The following UBR3 variants were observed in gnomAD, a reference collection of about 807,000 sequenced individuals.
UBR3 encodes the protein E3 ubiquitin-protein ligase UBR3.
UBR3 carries 85 observed loss-of-function variants against 243.2 expected under a neutral mutation model. The ratio of observed to expected loss-of-function variants is 0.35; its 90% confidence interval spans 0.29 to 0.42. UBR3 has a LOEUF of 0.42. Ranked by LOEUF, UBR3 falls within the 10% of genes least tolerant of loss-of-function variation. The pLI is 1.00. For synonymous variants in UBR3, 748 were observed against 799.8 expected (o/e 0.94, Z 1.09); for missense variants, 1,686 against 2,300.8 (o/e 0.73, Z 5.47).
intron 1 of UBR3, among the ~76,000 whole-genome samples, chr2:169,865,786 T>C (rs949642332): frequency 2.0e-5 from 3 of 152,208 alleles, no homozygotes; most frequent in Admixed American, 6.5e-5. Context: ...ACAGGCTTTT[T>C]AATTAAGTTG....
chr2:169,842,400 G>A (rs890469164), intron 1 of UBR3, among the ~76,000 whole-genome samples: 1 of 152,162 alleles, frequency 6.6e-6, no homozygotes, highest in African/African-American at 2.4e-5. Context: ...GATGTGGGTG[G>A]GGCCAGATAA....
Position 169,947,624 on chromosome 2 carries a change from A to T in UBR3, c.2993A>T (p.Asn998Ile), listed in dbSNP as rs1371915488. ...GTGTCAAACATGCGACACTTTATAA[A>T]CTATGTTAGAGTAAGAGTTCCAGAG... ...NLVSNMRHFI[N>I]YVRVRVPETA... Residue 998 changes from asparagine (N) to isoleucine (I), a missense_variant, in exon 22 of 39, where the codon AAC becomes ATC. Transcript: ENST00000272793. 4.5e-6 allele frequency: 7 copies of T among 1,540,786 alleles called. No individual in the cohort carries two copies. The highest frequency in any genetic ancestry group is 6.1e-6 in the Non-Finnish European group (7 of 1,141,784).
chr2:169,855,193 C>A (rs1356124714), intron 1 of UBR3, among the ~76,000 whole-genome samples: 1 of 152,072 alleles, frequency 6.6e-6, no homozygotes, highest in Non-Finnish European at 1.5e-5. Flanking sequence ...ATTAAGAGAT[C>A]CTGCTCTAAA....
At chr2:169,921,865 C>G (rs980258424) in intron 11 of UBR3, among the ~76,000 whole-genome samples, 1 of 152,048 alleles carries the variant, frequency 6.6e-6, no homozygotes, top group Non-Finnish European at 1.5e-5. Context: ...GTAATACATG[C>G]CTGTAGTCCC....
intron 32 of UBR3, among the ~76,000 whole-genome samples, chr2:170,045,424 A>G (rs947169787): frequency 6.6e-6 from 1 of 152,110 alleles, no homozygotes; most frequent in Non-Finnish European, 1.5e-5. Flanking sequence ...GGTTTGGATC[A>G]TGTTGCTGTT....
chr2:169,845,967 A>G (rs1224617261), intron 1 of UBR3, among the ~76,000 whole-genome samples: 1 of 152,196 alleles, frequency 6.6e-6, no homozygotes, highest in Non-Finnish European at 1.5e-5. Context: ...GGTTTCTTTT[A>G]TAGCTCAGAA....
At chr2:169,881,778 AAT>A (rs1226161442) in intron 5 of UBR3, among the ~76,000 whole-genome samples, 34 of 139,608 alleles carry the variant, frequency 2.4e-4, no homozygotes, top group African/African-American at 8.1e-4. Context: ...TATATAATAT[AAT>A]ATATATGTAT....
chr2:169,830,188 C>T (rs1172805203), intron 1 of UBR3, among the ~76,000 whole-genome samples: 3 of 151,972 alleles, frequency 2.0e-5, no homozygotes, highest in African/African-American at 7.3e-5. Context: ...TCTTCATGGG[C>T]ATTTGGCTTT....
At chr2:170,072,510 C>CAT (rs2091721788) in intron 35 of UBR3, among the ~76,000 whole-genome samples, 1 of 152,022 alleles carries the variant, frequency 6.6e-6, no homozygotes, top group African/African-American at 2.4e-5. Flanking sequence ...CAGCATGGCA[C>CAT]ATATATACAT....
chr2:169,878,604 A>G (rs2083706282), intron 5 of UBR3, 30 bp downstream of exon 5: 1 of 1,539,258 alleles, frequency 6.5e-7, no homozygotes, highest in Admixed American at 2.0e-5. Flanking sequence ...ACTTTTTAAA[A>G]AGTACAATTT....
At chr2:169,977,057 T>C (rs1232460516) in intron 24 of UBR3, among the ~76,000 whole-genome samples, 1 of 152,148 alleles carries the variant, frequency 6.6e-6, no homozygotes, top group Admixed American at 6.5e-5. Flanking sequence ...TTCAACTCTT[T>C]TGGATTTTTG....
intron 35 of UBR3, among the ~76,000 whole-genome samples, chr2:170,070,728 A>G (rs1176301077): frequency 6.6e-6 from 1 of 152,136 alleles, no homozygotes; most frequent in African/African-American, 2.4e-5. Flanking sequence ...TTCAAATTAC[A>G]ATGGGGTGAT....
chr2:170,071,284 G>A (rs1247990464), intron 35 of UBR3, among the ~76,000 whole-genome samples: 1 of 152,134 alleles, frequency 6.6e-6, no homozygotes, highest in Non-Finnish European at 1.5e-5. Context: ...GTTCATAATA[G>A]CCAAATTCAT....
chr2:170,007,274 T>C (rs2089947636), intron 28 of UBR3, 84 bp downstream of exon 28: 2 of 1,403,498 alleles, frequency 1.4e-6, no homozygotes, highest in Non-Finnish European at 1.9e-6. Flanking sequence ...TATAAATTAC[T>C]CTGGACTTTT....
intron 8 of UBR3, among the ~76,000 whole-genome samples, chr2:169,903,265 T>A (rs1055528284): frequency 2.6e-5 from 4 of 152,214 alleles, no homozygotes; most frequent in Non-Finnish European, 5.9e-5. Context: ...TTAAGCAGTG[T>A]CATGAAAATA....
At chr2:170,000,098 C>G (rs1375756237) in intron 26 of UBR3, among the ~76,000 whole-genome samples, 1 of 151,502 alleles carries the variant, frequency 6.6e-6, no homozygotes, top group Non-Finnish European at 1.5e-5. Context: ...CGCACTCCAG[C>G]CTGGGCAACA....
intron 24 of UBR3, among the ~76,000 whole-genome samples, chr2:169,965,138 G>T (rs2087748486): frequency 6.6e-6 from 1 of 152,258 alleles, no homozygotes; most frequent in Non-Finnish European, 1.5e-5. Context: ...CATTGCTCAA[G>T]ATAAAACTTG....
At position 170,074,066 on chromosome 2, in the gene UBR3, G is replaced by A. The variant is rs16857582; in HGVS notation, c.5199+459G>A. Among the ~76,000 whole-genome samples the A allele has an allele frequency of 9.9e-3, 1,513 of 152,288 alleles. 62 individuals carry two copies. In the East Asian group the frequency reaches 0.12, roughly 12 times the overall value. ...ATTGAAGATAAGTAGAGTGGGAACA[G>A]CAGTGAGTGGCTGTGTATGCCATGG... On this transcript the variant is annotated intron_variant, in intron 36 of 38. Coordinates refer to ENST00000272793, the MANE Select transcript of UBR3 (RefSeq NM_172070.4).
At chr2:169,888,429 G>A (rs1249348014) in intron 5 of UBR3, among the ~76,000 whole-genome samples, 8 of 152,014 alleles carry the variant, frequency 5.3e-5, no homozygotes, top group Non-Finnish European at 7.4e-5. Context: ...GTGAGCCACC[G>A]CGCCTCGTCC....
Sources: gnomAD v4.1 joint callset for allele counts (sites outside exome capture counted in the v4.1 genomes callset) on GRCh38, gnomAD v4.1.1 for gene constraint, MANE v1.5 for transcripts, NCBI Gene and HGNC (gene_info 2026-07-23, HGNC 2026-07-21) for gene names.